Variants in LTN1 observed in about 807,000 individuals in gnomAD.
LTN1 encodes listerin E3 ubiquitin protein ligase 1.
In LTN1, 88 loss-of-function variants were observed where a neutral mutation model predicts 201.2. The observed-to-expected ratio is 0.44, with a 90% CI of 0.37 to 0.52. The LOEUF (loss-of-function observed/expected upper bound fraction) is 0.52, where lower values mean the gene tolerates loss of function less well. Among genes scored for constraint, LTN1 ranks in the 20% least tolerant of loss-of-function variants. LTN1 has a pLI of 0.00. For missense variants in LTN1, 1,752 were observed against 2,038.7 expected (o/e 0.86, Z 2.71); for synonymous variants, 645 against 713.5 (o/e 0.90, Z 1.53).
chr21:28,950,307 C>A (rs2084372131), intron 18 of LTN1, among the ~76,000 whole-genome samples: 1 of 151,944 alleles, frequency 6.6e-6, no homozygotes, highest in Non-Finnish European at 1.5e-5. Context: ...TTCTTTTTCT[C>A]CCATACCATT....
chr21:28,966,282 C>T lies in LTN1; in HGVS notation c.2121+88G>A, dbSNP rs1415814446. ...TTGCTTGTCCTAAAATTGACACTCA[C>T]AGTGAAGAAACAACCAGAAAACAAT... On this transcript the variant is annotated intron_variant, in intron 10 of 29. Coordinates refer to ENST00000361371, the MANE Select transcript of LTN1 (RefSeq NM_015565.3). The T allele has an allele frequency of 7.1e-6, 8 of 1,125,460 alleles. No homozygotes were observed. The South Asian group carries it at 9.4e-5, about 13-fold the overall frequency. The allele number at this position is 1,125,460 out of a possible 1,614,324, so 69.7% of individuals were successfully genotyped here. A position where few individuals can be genotyped will look rare whatever the true frequency, so the allele number is the denominator to read the frequency against.
intron 11 of LTN1, among the ~76,000 whole-genome samples, chr21:28,961,108 T>C (rs2084475390): frequency 6.6e-6 from 1 of 152,196 alleles, no homozygotes; most frequent in Non-Finnish European, 1.5e-5. Flanking sequence ...ATGTTTCATC[T>C]GTGTATATCT....
At chr21:28,933,185 T>C (rs1323644716) in intron 27 of LTN1, among the ~76,000 whole-genome samples, 1 of 140,898 alleles carries the variant, frequency 7.1e-6, no homozygotes, top group Admixed American at 7.2e-5. Flanking sequence ...AATTTCCTAC[T>C]TCCAGGCTAA....
intron 28 of LTN1, 133 bp from the exon 29 acceptor site, chr21:28,931,455 C>A: frequency 1.7e-6 from 1 of 572,992 alleles, no homozygotes; most frequent in Non-Finnish European, 3.0e-6. Flanking sequence ...TCATGTCTCC[C>A]AACTTATGAA....
chr21:28,971,359 G>A lies in LTN1; in HGVS notation c.896C>T (p.Pro299Leu). The change falls in exon 7 of 30, where the codon CCA (proline) becomes CTA (leucine). Residue 299 changes from proline to leucine, a missense_variant. Pro to Leu is a moderately conservative substitution (Grantham distance 98). Coordinates refer to ENST00000361371, the MANE Select transcript of LTN1 (RefSeq NM_015565.3). ...LMKEEASKVSPSVLLSIDDSD... is the reference protein window; with the variant it reads ...LMKEEASKVSLSVLLSIDDSD... ...GTCATCAATGCTAAGTAGAACTGAT[G>A]GGCTCACTTTGGATGCTTCCTCTTT... The A allele has an allele frequency of 6.2e-7, 1 of 1,614,062 alleles. No individual in the cohort carries two copies. Among genetic ancestry groups the A allele is most frequent in the South Asian group, 1.1e-5 (1 of 91,076 alleles).
At chr21:28,959,087 T>C (rs2084451945) in intron 13 of LTN1, among the ~76,000 whole-genome samples, 1 of 152,212 alleles carries the variant, frequency 6.6e-6, no homozygotes, top group African/African-American at 2.4e-5. Flanking sequence ...TATTTTGATA[T>C]ACACCAAAGA....
At chr21:28,985,212 T>C (rs2084688406) in intron 3 of LTN1, among the ~76,000 whole-genome samples, 1 of 152,142 alleles carries the variant, frequency 6.6e-6, no homozygotes, top group Non-Finnish European at 1.5e-5. Context: ...ATAATCTCAG[T>C]ACTTTCGGTG....
At chr21:28,982,736 G>A (rs2084668663) in intron 4 of LTN1, among the ~76,000 whole-genome samples, 1 of 152,182 alleles carries the variant, frequency 6.6e-6, no homozygotes, top group Non-Finnish European at 1.5e-5. Context: ...CATACATTGT[G>A]CTCTGCTCCA....
rs2084431046 is a variant in LTN1, at chr21:28,957,002, C to A, written c.2893-54G>T. 31 of 1,117,384 alleles carry A rather than the reference C, an allele frequency of 2.8e-5. No individual in the cohort carries two copies. In the South Asian group the frequency reaches 5.5e-4, roughly 20 times the overall value. 69.2% of individuals were successfully genotyped at this position (1,117,384 alleles called of 1,614,324 possible). ...TTATTTATTACCTAAGCAATTGAGA[C>A]TGAACAAAAATGAAGTTGTGAGAAT... On this transcript the variant is annotated intron_variant, in intron 15 of 29. Coordinates refer to ENST00000361371, the MANE Select transcript of LTN1 (RefSeq NM_015565.3).
At chr21:28,980,280 T>C (rs977904504) in intron 6 of LTN1, among the ~76,000 whole-genome samples, 4 of 151,492 alleles carry the variant, frequency 2.6e-5, no homozygotes, top group Admixed American at 6.6e-5. Flanking sequence ...AGATACGCTT[T>C]ATCCAGGCAT....
In LTN1 at chr21:28,986,555, T is replaced by C; in HGVS notation, c.246+176A>G. On this transcript the variant is annotated intron_variant, in intron 2 of 29. Transcript: ENST00000361371. This position sits in a 1 kb window ranked among gnomAD's most constrained non-coding sequence, Gnocchi z 4.1. ...AAAAAGTTCACTGTAACAAACTAAT[T>C]TACGACCTAGAAAATAAATATCAAC... The C allele has an allele frequency of 1.5e-6, 1 of 659,640 alleles. No homozygotes were observed. The highest frequency in any genetic ancestry group is 2.6e-6 in the Non-Finnish European group (1 of 386,082). 40.9% of individuals were successfully genotyped at this position (659,640 alleles called of 1,614,324 possible).
At chr21:28,938,745 A>G (rs76001329) in intron 25 of LTN1, among the ~76,000 whole-genome samples, 1,891 of 152,370 alleles carry the variant, frequency 0.012, 18 homozygotes, top group South Asian at 0.02. Context: ...TTCAGCCACA[A>G]AAATAAATGC....
At chr21:28,951,427 T>A (rs2084381627) in intron 18 of LTN1, among the ~76,000 whole-genome samples, 1 of 152,184 alleles carries the variant, frequency 6.6e-6, no homozygotes, top group African/African-American at 2.4e-5. Context: ...AACAGACACA[T>A]TTGTTACATT....
intron 10 of LTN1, 33 bp from the exon 11 acceptor site, chr21:28,965,939 C>T: frequency 7.1e-7 from 1 of 1,409,760 alleles, no homozygotes; most frequent in Non-Finnish European, 9.7e-7. Context: ...AAACAATCTG[C>T]TAGAACAACT....
At chr21:28,961,875 G>A (rs1027646464) in intron 11 of LTN1, among the ~76,000 whole-genome samples, 9 of 152,152 alleles carry the variant, frequency 5.9e-5, no homozygotes, top group Non-Finnish European at 1.0e-4. Flanking sequence ...GCTGGGCATA[G>A]TGGCAGGTGC....
intron 4 of LTN1, among the ~76,000 whole-genome samples, chr21:28,983,023 C>T (rs1478118744): frequency 6.6e-6 from 1 of 152,222 alleles, no homozygotes; most frequent in Non-Finnish European, 1.5e-5. Flanking sequence ...TAGTTGCTAG[C>T]TGATGGCAGA....
intron 29 of LTN1, 147 bp from the exon 30 acceptor site, chr21:28,930,657 C>G (rs996784603): frequency 5.9e-6 from 3 of 512,016 alleles, no homozygotes; most frequent in East Asian, 6.4e-5. Context: ...TCTGTTATCT[C>G]CAAAATTAAC....
chr21:28,948,189 T>C (rs112780504), intron 18 of LTN1, among the ~76,000 whole-genome samples: 104,024 of 104,090 alleles, frequency 1, 51,979 homozygotes, highest in Middle Eastern at 1. Flanking sequence ...AAAACTCTGT[T>C]TCAAAAAAAA....
In LTN1 at chr21:28,986,454, C is replaced by A. The variant is rs752024924; in HGVS notation, c.247-217G>T. 12 of 679,108 alleles carry A rather than the reference C, an allele frequency of 1.8e-5. No individual in the cohort carries two copies. In the African/African-American group the frequency reaches 2.1e-4, roughly 12 times the overall value. 42.1% of individuals were successfully genotyped at this position (679,108 alleles called of 1,614,324 possible). A position where few individuals can be genotyped will look rare whatever the true frequency, so the allele number is the denominator to read the frequency against. On this transcript the variant is annotated intron_variant, in intron 2 of 29. Transcript: ENST00000361371. This position sits in a 1 kb window ranked among gnomAD's most constrained non-coding sequence, Gnocchi z 4.1. ...ATAAAACATCTACAAACAAAAAAAC[C>A]TCATTTAAAGTTACAAGGTCAAAGT...
Sources: allele counts gnomAD v4.1 joint callset (sites outside exome capture counted in the v4.1 genomes callset), GRCh38; gene constraint gnomAD v4.1.1; non-coding constraint Gnocchi (gnomAD v3.1); transcripts MANE v1.5; gene names NCBI Gene and HGNC (gene_info 2026-07-23, HGNC 2026-07-21).